KCND2: variants seen among roughly 807,000 people sequenced by gnomAD.
KCND2 encodes A-type voltage-gated potassium channel KCND2.
A neutral mutation model predicts 54.4 loss-of-function variants in KCND2; 16 were observed. The observed-to-expected ratio is 0.29, with a 90% confidence interval of 0.20 to 0.45. KCND2 has a LOEUF of 0.45. Among genes scored for constraint, KCND2 ranks in the 20% least tolerant of loss-of-function variants. The pLI, the probability that KCND2 is intolerant of heterozygous loss-of-function variation, is 1.00. For synonymous variants in KCND2, 317 were observed against 310.7 expected (o/e 1.02, Z -0.21); for missense variants, 486 against 824.2 (o/e 0.59, Z 5.02).
chr7:120,697,733 A>G (rs1792349351), intron 1 of KCND2, among the ~76,000 whole-genome samples: 1 of 152,238 alleles, frequency 6.6e-6, no homozygotes, highest in Non-Finnish European at 1.5e-5. Flanking sequence ...AAGCTATGAC[A>G]TAGAGTTAAA....
At chr7:120,294,905 T>A (rs1799486971) in intron 1 of KCND2, among the ~76,000 whole-genome samples, 1 of 151,878 alleles carries the variant, frequency 6.6e-6, no homozygotes, top group Admixed American at 6.6e-5. Context: ...GTTTGCAATG[T>A]ATCTTTAATT....
rs958086399 is a variant in KCND2, at chr7:120,442,530, G to GA, written c.1115+166792dup. 6.1e-5 allele frequency among the ~76,000 whole-genome samples: 9 copies of GA among 148,282 alleles called. No homozygotes were observed. In the South Asian group the frequency reaches 1.1e-3, roughly 18 times the overall value. ...GTGGTGACCTAAAAGTCAACAGACT[G>GA]AAAAAAAAAGGAAAATAACAAATTA... On this transcript the variant is annotated intron_variant, in intron 1 of 5. Transcript: ENST00000331113.
At chr7:120,700,003 G>T (rs569155834) in intron 1 of KCND2, among the ~76,000 whole-genome samples, 1 of 152,290 alleles carries the variant, frequency 6.6e-6, no homozygotes, top group South Asian at 2.1e-4. Context: ...ATAGGGTGTG[G>T]CTGCTAAGTT....
At chr7:120,383,376 C>A (rs1800939647) in intron 1 of KCND2, among the ~76,000 whole-genome samples, 1 of 151,976 alleles carries the variant, frequency 6.6e-6, no homozygotes, top group East Asian at 1.9e-4. Context: ...TTTATTTGAA[C>A]AAATTACTTA....
chr7:120,449,244 G>T (rs987865091), intron 1 of KCND2, among the ~76,000 whole-genome samples: 2 of 151,642 alleles, frequency 1.3e-5, no homozygotes, highest in African/African-American at 4.9e-5. Context: ...TGGGAGAATG[G>T]CGTGAACCCA....
chr7:120,727,374 A>G (rs1168127775), intron 1 of KCND2, among the ~76,000 whole-genome samples: 2 of 152,212 alleles, frequency 1.3e-5, no homozygotes, highest in African/African-American at 4.8e-5. Context: ...CATATTTTCA[A>G]CCTATCAATA....
chr7:120,737,056 ACACAC>A (rs1792879475), intron 2 of KCND2, among the ~76,000 whole-genome samples: 3 of 145,206 alleles, frequency 2.1e-5, no homozygotes, highest in African/African-American at 7.7e-5. Flanking sequence ...ACACACACAC[ACACAC>A]ACACACACAC....
At chr7:120,569,629 T>C (rs75429561) in intron 1 of KCND2, among the ~76,000 whole-genome samples, 7,964 of 152,204 alleles carry the variant, frequency 0.052, 600 homozygotes, top group African/African-American at 0.17. Flanking sequence ...TACAAAATAC[T>C]GTCATAAAGA....
intron 1 of KCND2, among the ~76,000 whole-genome samples, chr7:120,648,879 A>G (rs1417786235): frequency 6.6e-6 from 1 of 152,210 alleles, no homozygotes; most frequent in African/African-American, 2.4e-5. Flanking sequence ...CTACAAAGTC[A>G]TTATAATTTG....
intron 1 of KCND2, among the ~76,000 whole-genome samples, chr7:120,491,557 G>A (rs1333351131): frequency 1.3e-5 from 2 of 152,076 alleles, no homozygotes; most frequent in African/African-American, 4.8e-5. Flanking sequence ...TACATTTGTG[G>A]TACATAACAG....
At chr7:120,548,563 G>A (rs898012079) in intron 1 of KCND2, among the ~76,000 whole-genome samples, 2 of 152,110 alleles carry the variant, frequency 1.3e-5, no homozygotes, top group Non-Finnish European at 2.9e-5. Context: ...AAACAAGGAA[G>A]GTCTTGCCTC....
At chr7:120,558,033 C>G (rs1792185544) in intron 1 of KCND2, among the ~76,000 whole-genome samples, 1 of 152,084 alleles carries the variant, frequency 6.6e-6, no homozygotes, top group Non-Finnish European at 1.5e-5. Flanking sequence ...ATACAGGCCT[C>G]TTAAATTTTT....
intron 1 of KCND2, among the ~76,000 whole-genome samples, chr7:120,527,611 G>A (rs142661112): frequency 1.5e-4 from 23 of 152,142 alleles, no homozygotes; most frequent in Admixed American, 4.6e-4. Flanking sequence ...TTATGGGACT[G>A]TGGATAGTTT....
At chr7:120,433,206 G>A (rs544432995) in intron 1 of KCND2, among the ~76,000 whole-genome samples, 4 of 152,316 alleles carry the variant, frequency 2.6e-5, no homozygotes, top group East Asian at 1.9e-4. Flanking sequence ...GAAGAACCCT[G>A]TTGAGCATGA....
At chr7:120,355,085 C>T (rs1800479580) in intron 1 of KCND2, among the ~76,000 whole-genome samples, 1 of 152,166 alleles carries the variant, frequency 6.6e-6, no homozygotes, top group Non-Finnish European at 1.5e-5. Context: ...AGCTCTCTAA[C>T]ATACATATAG....
intron 3 of KCND2, chr7:120,742,266 G>A: frequency 4.2e-6 from 2 of 474,296 alleles, no homozygotes; most frequent in Non-Finnish European, 7.7e-6. Context: ...CTAGTTGAAT[G>A]AGTAAAAGAG....
At chr7:120,450,422 T>C (rs1046559044) in intron 1 of KCND2, among the ~76,000 whole-genome samples, 3 of 151,550 alleles carry the variant, frequency 2.0e-5, no homozygotes, top group East Asian at 1.9e-4. Flanking sequence ...AAGAAAAAAA[T>C]TACTGGTTTG....
chr7:120,692,364 A>C (rs1049641903), intron 1 of KCND2, among the ~76,000 whole-genome samples: 1 of 152,202 alleles, frequency 6.6e-6, no homozygotes, highest in African/African-American at 2.4e-5. Flanking sequence ...AGTTAACTTT[A>C]AATTCCTTAA....
chr7:120,699,454 C>T (rs1792373783), intron 1 of KCND2, among the ~76,000 whole-genome samples: 1 of 152,078 alleles, frequency 6.6e-6, no homozygotes, highest in South Asian at 2.1e-4. Context: ...AGAAGCTTTG[C>T]TCAACAGTGA....
Sources: gnomAD v4.1 joint callset for allele counts (sites outside exome capture counted in the v4.1 genomes callset) on GRCh38, gnomAD v4.1.1 for gene constraint, MANE v1.5 for transcripts, NCBI Gene and HGNC (gene_info 2026-07-23, HGNC 2026-07-21) for gene names.